RAD51B: variants seen among roughly 807,000 people sequenced by gnomAD.
The protein encoded by RAD51B is DNA repair protein RAD51 homolog 2.
A neutral mutation model predicts 42.2 loss-of-function variants in RAD51B; 38 were observed. The ratio of observed to expected loss-of-function variants is 0.90; its 90% CI spans 0.70 to 1.18. The LOEUF is 1.18. Ranked by LOEUF, RAD51B falls within the 50% of genes most tolerant of loss-of-function variation. The probability of loss-of-function intolerance (pLI) is 0.00; values close to 1 mark genes in which losing one functional copy is unlikely to be tolerated. For missense variants in RAD51B, 373 were observed against 400.7 expected, an observed-to-expected ratio of 0.93 and a Z score of 0.59; for synonymous variants, 154 against 145.2, an observed-to-expected ratio of 1.06 and a Z score of -0.43.
intron 7 of RAD51B, among the ~76,000 whole-genome samples, chr14:68,227,927 A>G (rs1488930139): frequency 1.3e-5 from 2 of 152,162 alleles, no homozygotes; most frequent in Non-Finnish European, 2.9e-5. Flanking sequence ...ATTAATTATT[A>G]TTAGTAGTAA....
intron 1 of RAD51B, chr14:67,822,242 C>T (rs1329183927): frequency 1.3e-5 from 2 of 152,266 alleles, no homozygotes; most frequent in East Asian, 1.9e-4. Flanking sequence ...TATACAGCTT[C>T]TCCTTTGTAT....
chr14:68,568,140 G>A (rs1566940287), intron 10 of RAD51B, among the ~76,000 whole-genome samples: 1 of 152,172 alleles, frequency 6.6e-6, no homozygotes, highest in Non-Finnish European at 1.5e-5. Context: ...TGAATAAAAT[G>A]GCTGTTCCTA....
At chr14:68,280,146 C>T (rs1434790244) in intron 7 of RAD51B, among the ~76,000 whole-genome samples, 1 of 152,206 alleles carries the variant, frequency 6.6e-6, no homozygotes, top group Non-Finnish European at 1.5e-5. Flanking sequence ...GAGCATGGTT[C>T]CTCCTGCCTG....
At chr14:68,647,482 T>A (rs1892586188) in intron 10 of RAD51B, among the ~76,000 whole-genome samples, 1 of 152,228 alleles carries the variant, frequency 6.6e-6, no homozygotes, top group Non-Finnish European at 1.5e-5. Context: ...CAGGAAATAC[T>A]TGATTAATTT....
intron 10 of RAD51B, among the ~76,000 whole-genome samples, chr14:68,605,910 G>A (rs917554570): frequency 1.3e-5 from 2 of 152,164 alleles, no homozygotes; most frequent in African/African-American, 2.4e-5. Context: ...AGTGTGGTTG[G>A]TAGGTAGAGG....
rs574780176 is a variant in RAD51B at position 68,380,421 on chromosome 14, T to G, written c.854-31003T>G. Reference sequence around the variant, plus strand: ...AGTAAAAGCCAACAGTTGTGGTTAGTGCCCCAGCAGGCCCCAGATGGTTAG... The same window carrying G: ...AGTAAAAGCCAACAGTTGTGGTTAGGGCCCCAGCAGGCCCCAGATGGTTAG... On this transcript the variant is annotated intron_variant, in intron 8 of 10. Transcript: ENST00000471583. 6.2e-4 allele frequency among the ~76,000 whole-genome samples: 94 copies of G among 152,324 alleles called. 1 individual carries two copies. Among genetic ancestry groups the G allele is most frequent in the African/African-American group, 2.2e-3 (92 of 41,572 alleles).
intron 10 of RAD51B, among the ~76,000 whole-genome samples, chr14:68,603,467 G>A (rs866205323): frequency 4.6e-5 from 7 of 152,090 alleles, no homozygotes; most frequent in South Asian, 2.1e-4. Flanking sequence ...CTGTGACCAC[G>A]TGTTGCTTTT....
At chr14:68,554,854 G>GTT (rs3076489) in intron 10 of RAD51B, among the ~76,000 whole-genome samples, 7 of 138,936 alleles carry the variant, frequency 5.0e-5, no homozygotes, top group African/African-American at 5.3e-5. Context: ...AAATTAAAAA[G>GTT]TTTTTTTTTT....
chr14:68,260,156 TCATGAGAAG>T (rs2080848507), intron 7 of RAD51B, among the ~76,000 whole-genome samples: 1 of 151,974 alleles, frequency 6.6e-6, no homozygotes, highest in African/African-American at 2.4e-5. Context: ...GAGACCTAAG[TCATGAGAAG>T]CATCCCCATG....
intron 8 of RAD51B, among the ~76,000 whole-genome samples, chr14:68,335,128 C>T (rs532293311): frequency 1.3e-5 from 2 of 150,126 alleles, no homozygotes; most frequent in Non-Finnish European, 3.0e-5. Context: ...CAAACCACAT[C>T]TCTACTAAAA....
chr14:67,980,861 C>A (rs935024332), intron 7 of RAD51B, among the ~76,000 whole-genome samples: 1 of 151,996 alleles, frequency 6.6e-6, no homozygotes. Context: ...AAAGCACAAC[C>A]CATAAAAGAA....
chr14:68,651,936 C>T (rs1394569239), intron 11 of RAD51B, among the ~76,000 whole-genome samples: 1 of 152,130 alleles, frequency 6.6e-6, no homozygotes, highest in African/African-American at 2.4e-5. Context: ...GGCCACCTGG[C>T]ACGCCCAGCG....
intron 10 of RAD51B, among the ~76,000 whole-genome samples, chr14:68,647,175 AT>A (rs1275893119): frequency 1.3e-5 from 2 of 152,140 alleles, no homozygotes; most frequent in South Asian, 2.1e-4. Flanking sequence ...TCACCTGTTG[AT>A]TTTTTTCATT....
intron 7 of RAD51B, among the ~76,000 whole-genome samples, chr14:68,269,500 A>C (rs1236058404): frequency 6.6e-6 from 1 of 152,206 alleles, no homozygotes; most frequent in Non-Finnish European, 1.5e-5. Flanking sequence ...GTGCTACCGC[A>C]GGATCGTCAC....
Position 68,463,180 on chromosome 14 carries a change from T to A in RAD51B, c.958-4992T>A, listed in dbSNP as rs571179674. On this transcript the variant is annotated intron_variant, in intron 9 of 10. Coordinates refer to ENST00000471583, the MANE Select transcript of RAD51B (RefSeq NM_133510.4). Reference sequence around the variant, plus strand: ...ATTACCTGCTGGGGGGTTGTCTGCTTTGGAAGAGGATAGTTTATAGTTTGA... The same window carrying A: ...ATTACCTGCTGGGGGGTTGTCTGCTATGGAAGAGGATAGTTTATAGTTTGA... Among the ~76,000 whole-genome samples the A allele has an allele frequency of 5.1e-3, 778 of 152,264 alleles. 1 individual carries two copies. Among genetic ancestry groups the A allele is most frequent in the Non-Finnish European group, 8.7e-3 (592 of 68,026 alleles).
intron 7 of RAD51B, among the ~76,000 whole-genome samples, chr14:67,996,409 C>T (rs868113992): frequency 1.9e-4 from 27 of 140,578 alleles, no homozygotes; most frequent in African/African-American, 6.9e-4. Flanking sequence ...AAAATAACAA[C>T]AATAATAAAT....
Position 68,325,587 on chromosome 14 carries a change from T to A in RAD51B, c.853+33607T>A, listed in dbSNP as rs75920161. On this transcript the variant is annotated intron_variant, in intron 8 of 10. Transcript: ENST00000471583. ...ATCACATTCTCATTTTTTTTTTTTT[T>A]AAAAAGAGTTGTTCCATTTCCCCTT... is the stretch of plus-strand genomic sequence containing the variant. Among the ~76,000 whole-genome samples the A allele has an allele frequency of 3.1e-3, 426 of 138,012 alleles. 2 individuals carry two copies. The highest frequency in any genetic ancestry group is 9.1e-3 in the African/African-American group (365 of 40,198). 90.5% of individuals were successfully genotyped at this position (138,012 alleles called of 152,430 possible). A position where few individuals can be genotyped will look rare whatever the true frequency, so the allele number is the denominator to read the frequency against.
intron 10 of RAD51B, among the ~76,000 whole-genome samples, chr14:68,518,071 C>T (rs1360618882): frequency 3.3e-5 from 5 of 152,142 alleles, no homozygotes; most frequent in African/African-American, 4.8e-5. Context: ...GCAGTACCTG[C>T]AGTGTGGGAC....
chr14:68,351,436 C>T (rs746563678), intron 8 of RAD51B, among the ~76,000 whole-genome samples: 10 of 151,840 alleles, frequency 6.6e-5, no homozygotes, highest in Non-Finnish European at 1.2e-4. Context: ...TATGGTAAAC[C>T]GAACAGACAC....
Sources: allele counts gnomAD v4.1 joint callset (sites outside exome capture counted in the v4.1 genomes callset), GRCh38; gene constraint gnomAD v4.1.1; transcripts MANE v1.5; gene names NCBI Gene and HGNC (gene_info 2026-07-23, HGNC 2026-07-21).